CSMD1: variants seen among roughly 807,000 people sequenced by gnomAD.
CSMD1 encodes the protein CUB and sushi domain-containing protein 1.
CSMD1 carries 213 observed loss-of-function variants against 417.5 expected under a neutral mutation model. The observed-to-expected ratio is 0.51, with a 90% CI of 0.46 to 0.57. The LOEUF is 0.57. Ranked by LOEUF, CSMD1 falls within the 20% of genes least tolerant of loss-of-function variation. The pLI is 0.00. For synonymous variants in CSMD1, 2,862 were observed against 1,736.8 expected, an observed-to-expected ratio of 1.65 and a Z score of -16.11; for missense variants, 6,923 against 4,529.7, an observed-to-expected ratio of 1.53 and a Z score of -15.17.
intron 5 of CSMD1, among the ~76,000 whole-genome samples, chr8:3,880,057 CTT>C (rs143414158): frequency 1.3e-5 from 2 of 149,128 alleles, no homozygotes; most frequent in Non-Finnish European, 3.0e-5. Flanking sequence ...AAAAGATTTT[CTT>C]TTTTTTTTGA....
Position 4,340,048 on chromosome 8 carries a change from C to T in CSMD1, c.415+79905G>A, listed in dbSNP as rs1038352039. 3.3e-5 allele frequency among the ~76,000 whole-genome samples: 5 copies of T among 152,020 alleles called. No individual in the cohort carries two copies. In the East Asian group the frequency reaches 5.8e-4, roughly 18 times the overall value. On this transcript the variant is annotated intron_variant, in intron 3 of 69. Coordinates refer to ENST00000635120, the MANE Select transcript of CSMD1 (RefSeq NM_033225.6). ...GCGAAAATTATGTTGAGCAGCATAC[C>T]GTATGTTTTAGGACTGACTCTGGTA...
chr8:4,788,346 C>T (rs887828031), intron 1 of CSMD1: 1 of 1,510,008 alleles, frequency 6.6e-7, no homozygotes, highest in Non-Finnish European at 9.1e-7. Context: ...CACTGCATAT[C>T]CAGTTATCAC....
intron 3 of CSMD1, among the ~76,000 whole-genome samples, chr8:4,228,445 G>C (rs760177007): frequency 6.6e-6 from 1 of 152,020 alleles, no homozygotes; most frequent in African/African-American, 2.4e-5. Context: ...ACTCATCTCA[G>C]GTCACCTGAA....
At chr8:3,281,943 C>T (rs10105574) in intron 26 of CSMD1, among the ~76,000 whole-genome samples, 114,059 of 151,854 alleles carry the variant, frequency 0.75, 43,218 homozygotes, top group Admixed American at 0.84. Context: ...TTTAAAAGCA[C>T]GTAGCACCTT....
At chr8:3,867,509 G>C (rs989719760) in intron 5 of CSMD1, among the ~76,000 whole-genome samples, 11 of 152,080 alleles carry the variant, frequency 7.2e-5, no homozygotes, top group Non-Finnish European at 1.3e-4. Context: ...GAATAAAACA[G>C]ATATGTTTTA....
intron 3 of CSMD1, among the ~76,000 whole-genome samples, chr8:4,401,713 T>A (rs921473925): frequency 6.6e-6 from 1 of 152,100 alleles, no homozygotes; most frequent in East Asian, 1.9e-4. Flanking sequence ...TCCTCCTTCT[T>A]TGAGAATTCC....
chr8:3,738,707 T>G (rs771972781), intron 6 of CSMD1, among the ~76,000 whole-genome samples: 28 of 152,110 alleles, frequency 1.8e-4, no homozygotes, highest in Non-Finnish European at 1.3e-4. Context: ...ACATGGAAGG[T>G]GCCACCCTGT....
Position 3,160,950 on chromosome 8 carries a change from G to A in CSMD1, c.5844+1209C>T, listed in dbSNP as rs1331461140. 2.0e-5 allele frequency among the ~76,000 whole-genome samples: 3 copies of A among 152,278 alleles called. No homozygotes were observed. In the East Asian group the frequency reaches 5.8e-4, roughly 29 times the overall value. On this transcript the variant is annotated intron_variant, in intron 38 of 69. Transcript: ENST00000635120. ...ACATGCAGAAACTGAATTCCACACA[G>A]TGCTGTTATTTCACGGCTGTAGTGT...
chr8:3,018,940 T>G (rs1429476119), intron 51 of CSMD1, among the ~76,000 whole-genome samples: 1 of 152,148 alleles, frequency 6.6e-6, no homozygotes, highest in Non-Finnish European at 1.5e-5. Context: ...GTTGTTGGCA[T>G]GGAGTCTTAC....
intron 26 of CSMD1, among the ~76,000 whole-genome samples, chr8:3,230,897 C>A (rs1471731097): frequency 6.6e-6 from 1 of 152,164 alleles, no homozygotes; most frequent in African/African-American, 2.4e-5. Flanking sequence ...AATCTCAAAT[C>A]TGCTGAGTAG....
chr8:3,969,394 C>G (rs1455762731), intron 5 of CSMD1, among the ~76,000 whole-genome samples: 1 of 152,186 alleles, frequency 6.6e-6, no homozygotes. Context: ...GCTCCAATCT[C>G]TCACTTATAC....
intron 3 of CSMD1, among the ~76,000 whole-genome samples, chr8:4,298,849 G>A (rs1024440070): frequency 6.6e-6 from 1 of 151,830 alleles, no homozygotes; most frequent in Non-Finnish European, 1.5e-5. Flanking sequence ...ATTATTTCTG[G>A]AAATACTGGT....
chr8:4,444,968 A>G (rs566066754), intron 2 of CSMD1, among the ~76,000 whole-genome samples: 7 of 152,212 alleles, frequency 4.6e-5, no homozygotes, highest in African/African-American at 1.7e-4. Context: ...CCACTGTGTT[A>G]AAGAAATGTT....
chr8:4,591,602 G>C (rs1188596368), intron 2 of CSMD1, among the ~76,000 whole-genome samples: 1 of 152,156 alleles, frequency 6.6e-6, no homozygotes, highest in African/African-American at 2.4e-5. Context: ...GCTTTCCAAG[G>C]GTAGTGATGG....
At chr8:3,440,258 C>T (rs1814885357) in intron 12 of CSMD1, among the ~76,000 whole-genome samples, 1 of 152,100 alleles carries the variant, frequency 6.6e-6, no homozygotes, top group Non-Finnish European at 1.5e-5. Context: ...GAGATCTTTA[C>T]TCTGAGTGTC....
chr8:4,151,927 A>T (rs1161631560), intron 3 of CSMD1, among the ~76,000 whole-genome samples: 1 of 152,162 alleles, frequency 6.6e-6, no homozygotes, highest in Non-Finnish European at 1.5e-5. Context: ...AGCAGAGATA[A>T]GTTTTGCCTG....
At chr8:3,506,148 T>C (rs1244371504) in intron 10 of CSMD1, among the ~76,000 whole-genome samples, 1 of 152,040 alleles carries the variant, frequency 6.6e-6, no homozygotes, top group Non-Finnish European at 1.5e-5. Flanking sequence ...GCAGAGGAAG[T>C]GCCAGGGAGG....
chr8:4,802,128 G>A lies in CSMD1; in HGVS notation c.86-164570C>T, dbSNP rs574388253. Among the ~76,000 whole-genome samples the A allele has an allele frequency of 4.6e-5, 7 of 152,294 alleles. No homozygotes were observed. In the South Asian group the frequency reaches 1.2e-3, roughly 27 times the overall value. ...ACAGACAGTTTTAAGGCCATCTGGA[G>A]GGATCTCAAAATCGAAGAGCAATTG... On this transcript the variant is annotated intron_variant, in intron 1 of 69. Transcript: ENST00000635120.
At chr8:3,335,037 T>A (rs1807162532) in intron 23 of CSMD1, among the ~76,000 whole-genome samples, 1 of 152,220 alleles carries the variant, frequency 6.6e-6, no homozygotes, top group African/African-American at 2.4e-5. Flanking sequence ...CTTAAACATT[T>A]CTGATACAGC....
Sources: gnomAD v4.1 joint callset for allele counts (sites outside exome capture counted in the v4.1 genomes callset) on GRCh38, gnomAD v4.1.1 for gene constraint, MANE v1.5 for transcripts, NCBI Gene and HGNC (gene_info 2026-07-23, HGNC 2026-07-21) for gene names.